EFCAB5: variants seen among roughly 807,000 people sequenced by gnomAD.
EFCAB5 encodes the protein EF-hand calcium binding domain 5.
A neutral mutation model predicts 167.9 loss-of-function variants in EFCAB5; 131 were observed. The observed-to-expected ratio is 0.78, with a 90% CI of 0.68 to 0.90. EFCAB5 has a LOEUF of 0.90. Ranked by LOEUF, EFCAB5 falls within the 40% of genes least tolerant of loss-of-function variation. EFCAB5 has a pLI of 0.00. For synonymous variants in EFCAB5, 574 were observed against 602.8 expected (o/e 0.95, Z 0.70); for missense variants, 1,663 against 1,745.2 (o/e 0.95, Z 0.84).
intron 7 of EFCAB5, among the ~76,000 whole-genome samples, chr17:30,003,045 G>A (rs995698407): frequency 2.5e-4 from 36 of 141,784 alleles, no homozygotes; most frequent in Non-Finnish European, 5.3e-4. Flanking sequence ...AATCCCACAT[G>A]TTGCTGAGAC....
intron 3 of EFCAB5, among the ~76,000 whole-genome samples, chr17:29,965,891 T>G (rs2067818045): frequency 6.6e-6 from 1 of 152,204 alleles, no homozygotes; most frequent in African/African-American, 2.4e-5. Flanking sequence ...TTTTAAATTT[T>G]TGTTGCTATA....
chr17:30,032,119 A>G (rs941955678), intron 7 of EFCAB5, among the ~76,000 whole-genome samples: 62 of 152,376 alleles, frequency 4.1e-4, no homozygotes, highest in African/African-American at 1.4e-3. Context: ...AAAGTGGAAC[A>G]TGATTTTTAC....
intron 3 of EFCAB5, among the ~76,000 whole-genome samples, chr17:29,953,275 C>A (rs1214862737): frequency 2.0e-5 from 3 of 152,138 alleles, no homozygotes; most frequent in Non-Finnish European, 2.9e-5. Context: ...AACACAGTCC[C>A]ATTCACAATT....
At chr17:29,959,005 GTCTC>G (rs915242983) in intron 3 of EFCAB5, among the ~76,000 whole-genome samples, 1 of 152,068 alleles carries the variant, frequency 6.6e-6, no homozygotes, top group Non-Finnish European at 1.5e-5. Flanking sequence ...AATGGAGTCT[GTCTC>G]TCTCTCTGTG....
intron 7 of EFCAB5, among the ~76,000 whole-genome samples, chr17:30,018,870 A>G (rs940361241): frequency 6.6e-6 from 1 of 151,952 alleles, no homozygotes; most frequent in Non-Finnish European, 1.5e-5. Context: ...GAGTTTATCT[A>G]TTTGCTTTTA....
At chr17:30,014,484 C>G (rs758389620) in intron 7 of EFCAB5, among the ~76,000 whole-genome samples, 7 of 152,102 alleles carry the variant, frequency 4.6e-5, no homozygotes, top group Non-Finnish European at 7.4e-5. Context: ...CTGGGTGTTC[C>G]TGTATTGAGT....
At chr17:30,029,028 A>T (rs2069407235) in intron 7 of EFCAB5, among the ~76,000 whole-genome samples, 1 of 152,202 alleles carries the variant, frequency 6.6e-6, no homozygotes, top group African/African-American at 2.4e-5. Flanking sequence ...AACTTAGCTT[A>T]TAACATTACC....
intron 3 of EFCAB5, among the ~76,000 whole-genome samples, chr17:29,963,274 T>C (rs1027343618): frequency 2.6e-5 from 4 of 152,162 alleles, no homozygotes; most frequent in African/African-American, 9.7e-5. Context: ...ACCTTTATTA[T>C]TTTTAGGAAT....
At chr17:30,070,053 A>G (rs2070692167) in intron 14 of EFCAB5, among the ~76,000 whole-genome samples, 2 of 152,202 alleles carry the variant, frequency 1.3e-5, no homozygotes, top group African/African-American at 4.8e-5. Flanking sequence ...GACCTTTCCC[A>G]TCCCAGTAGC....
rs1302878344 is a variant in EFCAB5, at chr17:30,034,220, T to C, written c.1045-10T>C. The C allele has an allele frequency of 1.1e-5, 17 of 1,611,832 alleles. No individual in the cohort carries two copies. Among genetic ancestry groups the C allele is most frequent in the South Asian group, 2.2e-5 (2 of 90,748 alleles). On this transcript the variant is annotated splice_polypyrimidine_tract_variant and intron_variant, in intron 7 of 22. Coordinates refer to ENST00000394835, the MANE Select transcript of EFCAB5 (RefSeq NM_198529.4). ...AGTCAATCGTTTATCCTCTTTTTTTTCCCCTGTAGTACATCTCTTCACATA... is the reference window on the plus strand; with the variant it reads ...AGTCAATCGTTTATCCTCTTTTTTTCCCCCTGTAGTACATCTCTTCACATA...
chr17:30,004,886 C>T (rs759657900), intron 7 of EFCAB5, among the ~76,000 whole-genome samples: 24 of 148,968 alleles, frequency 1.6e-4, no homozygotes, highest in Admixed American at 6.1e-4. Flanking sequence ...CTGCCTACCT[C>T]GGCCTCCCAA....
chr17:30,003,685 A>C (rs576763299), intron 7 of EFCAB5, among the ~76,000 whole-genome samples: 2 of 151,954 alleles, frequency 1.3e-5, no homozygotes, highest in East Asian at 1.9e-4. Flanking sequence ...GAGACTTTTA[A>C]GTTTTTAATT....
At chr17:30,100,912 A>G (rs1233690860) in intron 22 of EFCAB5, among the ~76,000 whole-genome samples, 1 of 152,256 alleles carries the variant, frequency 6.6e-6, no homozygotes, top group Non-Finnish European at 1.5e-5. Flanking sequence ...AAAACAGCCA[A>G]AGCAAAGGCC....
intron 22 of EFCAB5, among the ~76,000 whole-genome samples, chr17:30,103,527 T>C (rs1222278271): frequency 6.6e-6 from 1 of 152,144 alleles, no homozygotes; most frequent in African/African-American, 2.4e-5. Context: ...TAGAACAAAC[T>C]TCCCCCTCAA....
intron 3 of EFCAB5, among the ~76,000 whole-genome samples, chr17:29,965,063 G>A (rs905002055): frequency 5.3e-5 from 8 of 151,476 alleles, no homozygotes; most frequent in South Asian, 2.1e-4. Context: ...CACCACATCC[G>A]GCTAATTTTT....
chr17:29,988,997 G>T (rs1484736153), intron 4 of EFCAB5, among the ~76,000 whole-genome samples: 1 of 152,164 alleles, frequency 6.6e-6, no homozygotes, highest in African/African-American at 2.4e-5. Context: ...TTTGTTAATT[G>T]CCGAGGGTTA....
intron 14 of EFCAB5, among the ~76,000 whole-genome samples, chr17:30,061,169 G>T (rs1427843525): frequency 6.6e-6 from 1 of 152,194 alleles, no homozygotes; most frequent in Non-Finnish European, 1.5e-5. Flanking sequence ...AGAATCTGCT[G>T]CCAGATAAAA....
At chr17:29,981,400 T>C (rs781001306) in intron 4 of EFCAB5, among the ~76,000 whole-genome samples, 10 of 152,182 alleles carry the variant, frequency 6.6e-5, no homozygotes, top group Non-Finnish European at 7.3e-5. Context: ...CCTATACTAC[T>C]TTCTTCCTCT....
At position 29,973,914 on chromosome 17, in the gene EFCAB5, T is replaced by C. The variant is rs536922426; in HGVS notation, c.767+4547T>C. Among the ~76,000 whole-genome samples the C allele has an allele frequency of 2.6e-5, 4 of 151,948 alleles. No individual in the cohort carries two copies. The South Asian group carries it at 8.4e-4, about 32-fold the overall frequency. On this transcript the variant is annotated intron_variant, in intron 4 of 22. Coordinates refer to ENST00000394835, the MANE Select transcript of EFCAB5 (RefSeq NM_198529.4). ...GGCTCAAGCCTGTAATCCCAGGACT[T>C]TGGGAGGTCAAGATGGGTGAATCAC...
Sources: gnomAD v4.1 joint callset for allele counts (sites outside exome capture counted in the v4.1 genomes callset) on GRCh38, gnomAD v4.1.1 for gene constraint, MANE v1.5 for transcripts, NCBI Gene and HGNC (gene_info 2026-07-23, HGNC 2026-07-21) for gene names.